Variants in SORCS2 observed in about 807,000 individuals in gnomAD.
SORCS2 encodes VPS10 domain-containing receptor SorCS2.
In SORCS2, 100 loss-of-function variants were observed where a neutral mutation model predicts 141.6. The ratio of observed to expected loss-of-function variants is 0.71; its 90% confidence interval spans 0.60 to 0.83. The LOEUF is 0.83. SORCS2 is among the 40% of genes least tolerant of loss of function. The probability of loss-of-function intolerance (pLI) is 0.00; values close to 1 mark genes in which losing one functional copy is unlikely to be tolerated. For synonymous variants in SORCS2, 789 were observed against 676.9 expected (o/e 1.17, Z -2.57); for missense variants, 1,646 against 1,560.2 (o/e 1.05, Z -0.93).
intron 4 of SORCS2, among the ~76,000 whole-genome samples, chr4:7,647,953 T>C (rs1179545987): frequency 1.3e-5 from 2 of 152,218 alleles, no homozygotes; most frequent in Non-Finnish European, 2.9e-5. Flanking sequence ...GCATCTGAGC[T>C]TCACTGCGGT....
chr4:7,215,513 G>T (rs75532972), intron 1 of SORCS2, among the ~76,000 whole-genome samples: 1 of 151,980 alleles, frequency 6.6e-6, no homozygotes, highest in African/African-American at 2.4e-5. Flanking sequence ...TGAGGAGTGC[G>T]AGTGCATGGC....
chr4:7,690,884 T>C (rs1724202372), intron 11 of SORCS2, among the ~76,000 whole-genome samples: 1 of 152,228 alleles, frequency 6.6e-6, no homozygotes, highest in Non-Finnish European at 1.5e-5. Flanking sequence ...AACTAGAACA[T>C]CCAAGAATCC....
intron 1 of SORCS2, among the ~76,000 whole-genome samples, chr4:7,249,832 C>T (rs1046288304): frequency 5.3e-5 from 8 of 152,180 alleles, no homozygotes; most frequent in South Asian, 4.1e-4. Flanking sequence ...GGTTTCCTCT[C>T]TCTGGTAAAA....
intron 1 of SORCS2, among the ~76,000 whole-genome samples, chr4:7,255,441 G>A (rs942817922): frequency 5.9e-5 from 9 of 152,182 alleles, no homozygotes; most frequent in Non-Finnish European, 1.0e-4. Context: ...GTCAGGGAGT[G>A]TGGGAGGCAG....
At chr4:7,355,937 G>A (rs1026430996) in intron 1 of SORCS2, among the ~76,000 whole-genome samples, 1 of 152,228 alleles carries the variant, frequency 6.6e-6, no homozygotes, top group African/African-American at 2.4e-5. Context: ...ATCCTGCAAT[G>A]CTCCACCTGC....
At chr4:7,626,401 C>T (rs1290823417) in intron 3 of SORCS2, among the ~76,000 whole-genome samples, 2 of 152,134 alleles carry the variant, frequency 1.3e-5, no homozygotes, top group African/African-American at 4.8e-5. Context: ...ATAGGTGTTT[C>T]ACACTAGGCC....
chr4:7,589,047 G>A (rs1454785230), intron 3 of SORCS2, among the ~76,000 whole-genome samples: 2 of 152,204 alleles, frequency 1.3e-5, no homozygotes, highest in African/African-American at 4.8e-5. Context: ...GCCTACTGGG[G>A]ACACAGTGAG....
chr4:7,738,668 A>T lies in SORCS2; in HGVS notation c.3415+1496A>T, dbSNP rs1287931352. The stretch of plus-strand genomic sequence containing the variant: ...TTCTGATGATCCGGCTTCGAGCGTC[A>T]CTCACACTCTGCATCCGGGACATCC... On this transcript the variant is annotated intron_variant, in intron 26 of 26. Coordinates refer to ENST00000507866, the MANE Select transcript of SORCS2 (RefSeq NM_020777.3). Among the ~76,000 whole-genome samples the T allele has an allele frequency of 2.0e-5, 3 of 152,010 alleles. No homozygotes were observed. In the East Asian group the frequency reaches 5.8e-4, roughly 29 times the overall value.
At chr4:7,619,118 C>T (rs1485995796) in intron 3 of SORCS2, among the ~76,000 whole-genome samples, 2 of 152,162 alleles carry the variant, frequency 1.3e-5, no homozygotes, top group Non-Finnish European at 2.9e-5. Context: ...TCTCAGAGCT[C>T]CAGGAAGCTA....
At chr4:7,255,392 G>C (rs767081753) in intron 1 of SORCS2, among the ~76,000 whole-genome samples, 21 of 152,162 alleles carry the variant, frequency 1.4e-4, no homozygotes, top group Non-Finnish European at 2.2e-4. Context: ...AGTATGAATG[G>C]GCTCAGTGAA....
chr4:7,703,197 C>T, intron 12 of SORCS2, 83 bp from the exon 13 acceptor site: 3 of 1,119,844 alleles, frequency 2.7e-6, no homozygotes, highest in East Asian at 2.8e-5. Context: ...ACATTGACAA[C>T]CCTCCTCCCA....
intron 1 of SORCS2, among the ~76,000 whole-genome samples, chr4:7,359,311 A>T (rs567660908): frequency 9.3e-6 from 1 of 108,046 alleles, no homozygotes; most frequent in Non-Finnish European, 2.3e-5. Context: ...CAAGCAAATA[A>T]ACAAAAAAAA....
At chr4:7,345,611 C>G (rs1720609342) in intron 1 of SORCS2, among the ~76,000 whole-genome samples, 1 of 152,078 alleles carries the variant, frequency 6.6e-6, no homozygotes, top group African/African-American at 2.4e-5. Context: ...TAGGACCTCT[C>G]CAAACCTCCG....
chr4:7,497,125 G>C (rs73212581), intron 2 of SORCS2, among the ~76,000 whole-genome samples: 1,730 of 152,380 alleles, frequency 0.011, 9 homozygotes, highest in Non-Finnish European at 0.017. Flanking sequence ...CAGGTGGGTG[G>C]TGGCAGTGGC....
chr4:7,453,038 C>G (rs1196632427), intron 2 of SORCS2, among the ~76,000 whole-genome samples: 5 of 111,580 alleles, frequency 4.5e-5, no homozygotes, highest in African/African-American at 1.8e-4. Context: ...ATGTTGGGGT[C>G]AGGTGCTGTG....
At chr4:7,202,513 A>C (rs763332443) in intron 1 of SORCS2, among the ~76,000 whole-genome samples, 3 of 152,272 alleles carry the variant, frequency 2.0e-5, no homozygotes, top group Non-Finnish European at 4.4e-5. Context: ...ATCTTAAAAT[A>C]ACAGCACTCT....
chr4:7,570,371 C>A (rs115732413), intron 3 of SORCS2, among the ~76,000 whole-genome samples: 165 of 152,366 alleles, frequency 1.1e-3, no homozygotes, highest in African/African-American at 3.8e-3. Flanking sequence ...GGGACGCAGA[C>A]CCTCCCACTC....
At chr4:7,478,382 C>G (rs1001442381) in intron 2 of SORCS2, among the ~76,000 whole-genome samples, 2 of 152,120 alleles carry the variant, frequency 1.3e-5, no homozygotes, top group Non-Finnish European at 2.9e-5. Context: ...TGAGGCCTCC[C>G]ACACCCCCTT....
chr4:7,443,264 A>G (rs1311338897), intron 2 of SORCS2, among the ~76,000 whole-genome samples: 1 of 152,142 alleles, frequency 6.6e-6, no homozygotes, highest in East Asian at 1.9e-4. Flanking sequence ...CCTTGACCTT[A>G]AACTCAACTG....
Sources: gnomAD v4.1 joint callset for allele counts (sites outside exome capture counted in the v4.1 genomes callset) on GRCh38, gnomAD v4.1.1 for gene constraint, MANE v1.5 for transcripts, NCBI Gene and HGNC (gene_info 2026-07-23, HGNC 2026-07-21) for gene names.